Variants in CADM1 observed in about 807,000 individuals in gnomAD.
The protein encoded by CADM1 is TSLC-1.
A neutral mutation model predicts 53.1 loss-of-function variants in CADM1; 15 were observed. That is an observed-to-expected ratio of 0.28 (90% CI 0.19 to 0.44). The LOEUF (loss-of-function observed/expected upper bound fraction) is 0.44, where lower values mean the gene tolerates loss of function less well. CADM1 is among the 20% of genes least tolerant of loss of function. The pLI is 1.00. For synonymous variants in CADM1, 281 were observed against 243.0 expected (o/e 1.16, Z -1.45); for missense variants, 434 against 611.3 (o/e 0.71, Z 3.06).
chr11:115,496,238 A>G (rs1190003162), intron 1 of CADM1, among the ~76,000 whole-genome samples: 1 of 152,220 alleles, frequency 6.6e-6, no homozygotes, highest in Non-Finnish European at 1.5e-5. Context: ...GGGTTGAGGT[A>G]CCTTTTAGGT....
intron 1 of CADM1, among the ~76,000 whole-genome samples, chr11:115,389,971 GAACTA>G (rs1427180729): frequency 2.0e-5 from 3 of 152,070 alleles, no homozygotes; most frequent in Non-Finnish European, 4.4e-5. Flanking sequence ...TCAAAGATGG[GAACTA>G]AAACAGAGAA....
intron 1 of CADM1, among the ~76,000 whole-genome samples, chr11:115,323,529 T>G (rs1944880315): frequency 6.6e-6 from 1 of 152,154 alleles, no homozygotes; most frequent in Admixed American, 6.6e-5. Flanking sequence ...CCAAATCTAC[T>G]AAAAGTCAAC....
At chr11:115,304,016 C>A (rs1944300768) in intron 1 of CADM1, among the ~76,000 whole-genome samples, 1 of 151,954 alleles carries the variant, frequency 6.6e-6, no homozygotes, top group South Asian at 2.1e-4. Flanking sequence ...ATTAAGAATT[C>A]AAGAGATGAA....
chr11:115,493,035 C>T (rs745534227), intron 1 of CADM1, among the ~76,000 whole-genome samples: 22 of 151,574 alleles, frequency 1.5e-4, no homozygotes, highest in Non-Finnish European at 2.7e-4. Flanking sequence ...TAGATGTGTC[C>T]GCTGTCTAAA....
chr11:115,279,270 A>T (rs900824078), intron 1 of CADM1, among the ~76,000 whole-genome samples: 6 of 152,168 alleles, frequency 3.9e-5, no homozygotes, highest in African/African-American at 1.4e-4. Context: ...GCAAAAATGG[A>T]TTTGGGGGTA....
chr11:115,322,344 A>T lies in CADM1; in HGVS notation c.125-81924T>A, dbSNP rs1944845602. On this transcript the variant is annotated intron_variant, in intron 1 of 11. Transcript: ENST00000331581. ...ATGAATCTGACGCAGGCTGTTAAGC[A>T]TATACAGCTGCCAATGACTTCATTA... 2.0e-5 allele frequency among the ~76,000 whole-genome samples: 3 copies of T among 152,376 alleles called. 1 individual carries two copies. The South Asian group carries it at 6.2e-4, about 32-fold the overall frequency.
At chr11:115,464,157 T>C (rs1948850350) in intron 1 of CADM1, among the ~76,000 whole-genome samples, 1 of 152,228 alleles carries the variant, frequency 6.6e-6, no homozygotes, top group African/African-American at 2.4e-5. Context: ...CTTATTTCAC[T>C]GAACAAAACA....
intron 1 of CADM1, among the ~76,000 whole-genome samples, chr11:115,272,378 A>G (rs1448439334): frequency 6.6e-6 from 1 of 152,166 alleles, no homozygotes; most frequent in Admixed American, 6.5e-5. Context: ...ATCTAATAGT[A>G]ATGAGTTCCA....
intron 1 of CADM1, among the ~76,000 whole-genome samples, chr11:115,466,818 T>A (rs916496578): frequency 6.6e-6 from 1 of 152,194 alleles, no homozygotes; most frequent in Admixed American, 6.5e-5. Context: ...AATATGAATA[T>A]GATTATGATT....
intron 1 of CADM1, among the ~76,000 whole-genome samples, chr11:115,384,916 G>T (rs528064774): frequency 5.3e-5 from 8 of 152,228 alleles, no homozygotes; most frequent in Non-Finnish European, 1.2e-4. Context: ...CCTTCTTTGA[G>T]AGTCTTTAGA....
At chr11:115,319,003 A>G (rs1292265249) in intron 1 of CADM1, among the ~76,000 whole-genome samples, 4 of 152,182 alleles carry the variant, frequency 2.6e-5, no homozygotes, top group Non-Finnish European at 1.5e-5. Flanking sequence ...ACTCAAAACA[A>G]TAGGATCTTG....
chr11:115,315,215 A>G (rs957654306), intron 1 of CADM1, among the ~76,000 whole-genome samples: 2 of 152,218 alleles, frequency 1.3e-5, no homozygotes, highest in Non-Finnish European at 1.5e-5. Context: ...CTTTTAATGG[A>G]AACGTCTTCC....
In CADM1 at chr11:115,263,103, G is replaced by A. The variant is rs59918805; in HGVS notation, c.125-22683C>T. On this transcript the variant is annotated intron_variant, in intron 1 of 11. Coordinates refer to ENST00000331581, the MANE Select transcript of CADM1 (RefSeq NM_001301043.2). ...GGGAAGAATGCCACGGAGGCGACGC[G>A]CCCCTTCATTGCATCATATCATGAG... 9.8e-5 allele frequency among the ~76,000 whole-genome samples: 15 copies of A among 152,322 alleles called. No homozygotes were observed. In the East Asian group the frequency reaches 1.9e-3, roughly 20 times the overall value.
At chr11:115,397,479 A>G (rs1357929101) in intron 1 of CADM1, 1 of 152,184 alleles carries the variant, frequency 6.6e-6, no homozygotes, top group Non-Finnish European at 1.5e-5. Context: ...ACAGCTAAGC[A>G]CAAGGCTCCT....
chr11:115,384,343 T>C (rs1374042776), intron 1 of CADM1, among the ~76,000 whole-genome samples: 1 of 152,066 alleles, frequency 6.6e-6, no homozygotes, highest in Non-Finnish European at 1.5e-5. Context: ...TTTTCTCCAT[T>C]TGCAGTGAGA....
chr11:115,448,362 G>A (rs1241665718), intron 1 of CADM1, among the ~76,000 whole-genome samples: 1 of 152,058 alleles, frequency 6.6e-6, no homozygotes, highest in Non-Finnish European at 1.5e-5. Context: ...GAAAAAAAAT[G>A]AGGGCTGCCT....
chr11:115,174,037 A>G lies in CADM1; in HGVS notation c.*2437T>C. 1 of 975,502 alleles carries G rather than the reference A, an allele frequency of 1.0e-6. No individual in the cohort carries two copies. The highest frequency in any genetic ancestry group is 1.2e-6 in the Non-Finnish European group (1 of 820,938). The allele number at this position is 975,502 out of a possible 1,614,324, so 60.4% of individuals were successfully genotyped here. A position where few individuals can be genotyped will look rare whatever the true frequency, so the allele number is the denominator to read the frequency against. ...ATAAACCAATATACAACTAAAATCC[A>G]TAATTTCCTGTTTTTGCTTTGTTTT... On this transcript the variant is annotated 3_prime_UTR_variant, in exon 12 of 12. Coordinates refer to ENST00000331581, the MANE Select transcript of CADM1 (RefSeq NM_001301043.2).
chr11:115,318,831 G>C (rs957840186), intron 1 of CADM1, among the ~76,000 whole-genome samples: 5 of 152,128 alleles, frequency 3.3e-5, no homozygotes, highest in Admixed American at 1.3e-4. Flanking sequence ...TGGTGAGCTA[G>C]GTAATGCAGT....
At chr11:115,218,105 G>T in intron 5 of CADM1, 114 bp from the exon 6 acceptor site, 1 of 723,544 alleles carries the variant, frequency 1.4e-6, no homozygotes, top group Non-Finnish European at 2.5e-6. Context: ...CCCATCCGAT[G>T]CCTTCAGTAA....
Sources: gnomAD v4.1 joint callset for allele counts (sites outside exome capture counted in the v4.1 genomes callset) on GRCh38, gnomAD v4.1.1 for gene constraint, MANE v1.5 for transcripts, NCBI Gene and HGNC (gene_info 2026-07-23, HGNC 2026-07-21) for gene names.